Variants in AFG2B observed in about 807,000 individuals in gnomAD.
AFG2B encodes the protein ATPase family gene 2 protein homolog B.
At chr15:45,407,620 A>G in the AFG2B span, among the ~76,000 whole-genome samples, 3 of 152,318 alleles carry the variant, frequency 2.0e-5, no homozygotes, top group East Asian at 5.8e-4. Context: ...CCTACCTGAA[A>G]TCTCACTTTC....
the AFG2B span, chr15:45,415,561 T>C: frequency 6.2e-7 from 1 of 1,601,046 alleles, no homozygotes; most frequent in Non-Finnish European, 8.6e-7. Context: ...ACATATAGCT[T>C]TTTAATATTT....
the AFG2B span, chr15:45,414,509 C>G: frequency 6.8e-7 from 1 of 1,472,708 alleles, no homozygotes. Flanking sequence ...AATGAATTTA[C>G]TGGATGATAT....
At chr15:45,406,026 CG>C in the AFG2B span, among the ~76,000 whole-genome samples, 2 of 151,942 alleles carry the variant, frequency 1.3e-5, no homozygotes, top group African/African-American at 4.8e-5. Flanking sequence ...CCCGCGAAAA[CG>C]TAAGTGTATA....
At chr15:45,417,280 G>A in the AFG2B span, 1 of 1,613,806 alleles carries the variant, frequency 6.2e-7, no homozygotes, top group East Asian at 2.2e-5. Flanking sequence ...GTTTCAAGAA[G>A]TTTTTAACCG....
the AFG2B span, chr15:45,405,590 AT>A: frequency 7.5e-7 from 1 of 1,333,454 alleles, no homozygotes; most frequent in Non-Finnish European, 1.0e-6. Context: ...CGGTGAGTAC[AT>A]TTTCCTTAGA....
At chr15:45,417,822 A>T in the AFG2B span, 1 of 155,240 alleles carries the variant, frequency 6.4e-6, no homozygotes, top group Non-Finnish European at 1.4e-5. Context: ...GAGATTACAG[A>T]GATTATGCAG....
chr15:45,403,588 C>G, the AFG2B span: 2 of 1,564,928 alleles, frequency 1.3e-6, no homozygotes, highest in South Asian at 1.2e-5. Flanking sequence ...TTTGGCTGCC[C>G]CGGAGGCGTT....
At chr15:45,418,069 C>T in the AFG2B span, among the ~76,000 whole-genome samples, 5 of 152,122 alleles carry the variant, frequency 3.3e-5, no homozygotes, top group Non-Finnish European at 4.4e-5. Context: ...TTTAGCCGGG[C>T]GTGGTGGCTC....
At chr15:45,418,642 GT>G in the AFG2B span, 2 of 1,612,530 alleles carry the variant, frequency 1.2e-6, no homozygotes, top group African/African-American at 1.3e-5. Context: ...GCAGAAACCT[GT>G]TTTTTTTCTG....
At chr15:45,420,543 AT>A in the AFG2B span, among the ~76,000 whole-genome samples, 2 of 152,082 alleles carry the variant, frequency 1.3e-5, no homozygotes, top group Admixed American at 1.3e-4. Context: ...CTTTTTTCCC[AT>A]TAATGTAAAG....
chr15:45,418,675 G>T, the AFG2B span: 36 of 1,602,074 alleles, frequency 2.2e-5, no homozygotes, highest in Non-Finnish European at 2.9e-5. Flanking sequence ...AGAAACCTCT[G>T]CACAGAAGTA....
the AFG2B span, among the ~76,000 whole-genome samples, chr15:45,413,322 A>G: frequency 6.6e-6 from 1 of 152,132 alleles, no homozygotes; most frequent in East Asian, 1.9e-4. Flanking sequence ...TAGAGTAGAC[A>G]TTTCTTCTGA....
chr15:45,412,411 AATT>A, the AFG2B span, among the ~76,000 whole-genome samples: 9 of 152,290 alleles, frequency 5.9e-5, no homozygotes, highest in South Asian at 1.9e-3. Flanking sequence ...AAAAAAAAAA[AATT>A]ATAATCTAAA....
chr15:45,415,495 CA>C, the AFG2B span: 83,225 of 826,030 alleles, frequency 0.1, 1,485 homozygotes, highest in African/African-American at 0.37. Context: ...AAGACTGTCT[CA>C]AAAAAAAAAA....
the AFG2B span, chr15:45,402,837 G>A: frequency 1.3e-6 from 2 of 1,598,192 alleles, no homozygotes; most frequent in Non-Finnish European, 1.7e-6. Flanking sequence ...AGGCGGCACA[G>A]GAGCTGCTGA....
the AFG2B span, among the ~76,000 whole-genome samples, chr15:45,404,304 C>G: frequency 2.4e-4 from 37 of 152,132 alleles, no homozygotes; most frequent in Non-Finnish European, 4.4e-4. Flanking sequence ...CTATCTATAC[C>G]TGGCTTCTAG....
the AFG2B span, among the ~76,000 whole-genome samples, chr15:45,405,800 G>T: frequency 4.6e-5 from 7 of 152,032 alleles, no homozygotes; most frequent in African/African-American, 1.7e-4. Flanking sequence ...GAATCAAAGA[G>T]TTTTTTTAAT....
At chr15:45,421,408 T>C in the AFG2B span, 1 of 354,160 alleles carries the variant, frequency 2.8e-6, no homozygotes, top group East Asian at 4.9e-5. Flanking sequence ...AATACTGTAA[T>C]TTAGGAAGAA....
At chr15:45,420,009 AAAAAAC>A in the AFG2B span, among the ~76,000 whole-genome samples, 3 of 148,916 alleles carry the variant, frequency 2.0e-5, no homozygotes, top group African/African-American at 7.5e-5. Context: ...AAAAAAAAAA[AAAAAAC>A]AAAAAACAAA....
Sources: allele counts gnomAD v4.1 joint callset (sites outside exome capture counted in the v4.1 genomes callset), GRCh38; gene constraint gnomAD v4.1.1; transcripts MANE v1.5; gene names NCBI Gene and HGNC (gene_info 2026-07-23, HGNC 2026-07-21).